ADGRL3: variants seen among roughly 807,000 people sequenced by gnomAD.
The protein encoded by ADGRL3 is calcium-independent alpha-latrotoxin receptor 3.
ADGRL3 carries 62 observed loss-of-function variants against 153.5 expected under a neutral mutation model. The ratio of observed to expected loss-of-function variants is 0.40; its 90% CI spans 0.33 to 0.50. ADGRL3 has a LOEUF of 0.50. ADGRL3 is among the 20% of genes least tolerant of loss of function. The pLI is 0.47. For missense variants in ADGRL3, 1,641 were observed against 1,859.4 expected (o/e 0.88, Z 2.16); for synonymous variants, 710 against 672.5 (o/e 1.06, Z -0.86).
intron 21 of ADGRL3, among the ~76,000 whole-genome samples, chr4:62,011,001 A>G (rs1472845250): frequency 6.6e-6 from 1 of 152,148 alleles, no homozygotes; most frequent in African/African-American, 2.4e-5. Flanking sequence ...CATGCGCTAT[A>G]GGTAAAACTC....
intron 4 of ADGRL3, among the ~76,000 whole-genome samples, chr4:61,518,681 A>T (rs958861734): frequency 6.6e-6 from 1 of 152,142 alleles, no homozygotes; most frequent in Non-Finnish European, 1.5e-5. Context: ...CTCCATTCAG[A>T]TTGGCCTTTC....
In ADGRL3 at chr4:61,224,097, A is replaced by G. The variant is rs376248173; in HGVS notation, c.-240+22332A>G. On this transcript the variant is annotated intron_variant, in intron 1 of 26. Coordinates refer to ENST00000683033, the MANE Select transcript of ADGRL3 (RefSeq NM_001387552.1). The stretch of plus-strand genomic sequence containing the variant: ...AATAATACTTAAATTTTTATTTTCA[A>G]AAATAATCTTCGTGTATACTGTGTG... Among the ~76,000 whole-genome samples the G allele has an allele frequency of 2.0e-3, 309 of 152,242 alleles. 1 individual carries two copies. Among genetic ancestry groups the G allele is most frequent in the African/African-American group, 7.0e-3 (291 of 41,564 alleles).
chr4:61,262,571 G>A (rs1415338009), intron 1 of ADGRL3, among the ~76,000 whole-genome samples: 1 of 152,124 alleles, frequency 6.6e-6, no homozygotes, highest in Non-Finnish European at 1.5e-5. Context: ...ACCTGGGCCA[G>A]TAACCGGAAC....
chr4:61,986,396 A>C (rs1581754040), intron 19 of ADGRL3, among the ~76,000 whole-genome samples: 1 of 152,142 alleles, frequency 6.6e-6, no homozygotes, highest in African/African-American at 2.4e-5. Context: ...TTAGTCATTT[A>C]CTTTGAGACA....
chr4:61,550,482 T>C (rs13122170), intron 4 of ADGRL3, among the ~76,000 whole-genome samples: 57,300 of 151,772 alleles, frequency 0.38, 11,414 homozygotes, highest in East Asian at 0.76. Flanking sequence ...TGCATGCATG[T>C]GTATATACCC....
chr4:61,602,321 A>G (rs900531186), intron 5 of ADGRL3, among the ~76,000 whole-genome samples: 1 of 152,122 alleles, frequency 6.6e-6, no homozygotes, highest in African/African-American at 2.4e-5. Context: ...TAAAGTAATT[A>G]CTTGGTGAGA....
intron 21 of ADGRL3, among the ~76,000 whole-genome samples, chr4:62,013,550 A>G (rs549707928): frequency 2.7e-5 from 4 of 150,640 alleles, no homozygotes; most frequent in African/African-American, 9.9e-5. Flanking sequence ...CTCAAAAAAA[A>G]AAGAAAGAAA....
chr4:61,711,887 A>G (rs2095999694), intron 6 of ADGRL3, among the ~76,000 whole-genome samples: 1 of 152,098 alleles, frequency 6.6e-6, no homozygotes, highest in South Asian at 2.1e-4. Flanking sequence ...CAAGCTTAAA[A>G]TATGTACAGG....
chr4:61,578,812 T>C (rs2098908383), intron 4 of ADGRL3, among the ~76,000 whole-genome samples: 1 of 152,144 alleles, frequency 6.6e-6, no homozygotes, highest in Admixed American at 6.6e-5. Context: ...AAATTCTTAC[T>C]TTTTATCTGT....
At chr4:61,788,256 A>G (rs2097300661) in intron 8 of ADGRL3, among the ~76,000 whole-genome samples, 1 of 152,174 alleles carries the variant, frequency 6.6e-6, no homozygotes, top group African/African-American at 2.4e-5. Flanking sequence ...CAGTGCAGCA[A>G]TCAAAACTAC....
intron 6 of ADGRL3, among the ~76,000 whole-genome samples, chr4:61,722,040 G>A (rs981275948): frequency 2.6e-5 from 4 of 152,108 alleles, no homozygotes; most frequent in African/African-American, 9.7e-5. Flanking sequence ...TTTAATTTGA[G>A]CCGATATTTT....
chr4:61,363,873 T>G (rs555838995), intron 1 of ADGRL3, among the ~76,000 whole-genome samples: 1 of 152,130 alleles, frequency 6.6e-6, no homozygotes, highest in African/African-American at 2.4e-5. Context: ...ATGTAAGAGG[T>G]AGAATTTGTA....
At chr4:61,307,261 C>T (rs1425249640) in intron 1 of ADGRL3, among the ~76,000 whole-genome samples, 2 of 152,140 alleles carry the variant, frequency 1.3e-5, no homozygotes, top group Admixed American at 6.5e-5. Flanking sequence ...GTTATTACTA[C>T]ATGATTATGA....
intron 15 of ADGRL3, among the ~76,000 whole-genome samples, chr4:61,939,498 C>T (rs1485163087): frequency 1.2e-4 from 17 of 142,156 alleles, no homozygotes; most frequent in Non-Finnish European, 2.3e-4. Flanking sequence ...GAGACGGAGT[C>T]TCACTCTGTC....
At chr4:61,851,223 A>C (rs2098198545) in intron 9 of ADGRL3, among the ~76,000 whole-genome samples, 1 of 152,178 alleles carries the variant, frequency 6.6e-6, no homozygotes. Context: ...ATAAGTGAGC[A>C]AAGGCGTGTA....
intron 4 of ADGRL3, among the ~76,000 whole-genome samples, chr4:61,529,409 T>G (rs1248796849): frequency 1.3e-5 from 2 of 152,218 alleles, no homozygotes; most frequent in Non-Finnish European, 2.9e-5. Flanking sequence ...TGTTCTAGTT[T>G]GCTTAGAGAG....
intron 3 of ADGRL3, among the ~76,000 whole-genome samples, chr4:61,505,384 TTTATTG>T (rs374911730): frequency 1.3e-5 from 2 of 152,242 alleles, no homozygotes; most frequent in Non-Finnish European, 2.9e-5. Flanking sequence ...TCCTCACTTT[TTTATTG>T]TTATTATGAC....
intron 1 of ADGRL3, among the ~76,000 whole-genome samples, chr4:61,307,802 AT>A (rs1428588982): frequency 6.6e-6 from 1 of 152,224 alleles, no homozygotes; most frequent in Non-Finnish European, 1.5e-5. Context: ...TAATCCAGTC[AT>A]TGGATAATTA....
At chr4:62,000,050 A>G (rs1379192164) in intron 21 of ADGRL3, among the ~76,000 whole-genome samples, 1 of 152,024 alleles carries the variant, frequency 6.6e-6, no homozygotes, top group African/African-American at 2.4e-5. Flanking sequence ...TAAATTTATC[A>G]TATTGTACTT....
Sources: allele counts gnomAD v4.1 joint callset (sites outside exome capture counted in the v4.1 genomes callset), GRCh38; gene constraint gnomAD v4.1.1; transcripts MANE v1.5; gene names NCBI Gene and HGNC (gene_info 2026-07-23, HGNC 2026-07-21).